CAVIN4: variants seen among roughly 807,000 people sequenced by gnomAD.
The protein encoded by CAVIN4 is caveolae associated protein 4, also known as caveolae-associated protein 4.
Under a neutral mutation model 18.6 loss-of-function variants are expected in CAVIN4, and 10 were observed. The observed-to-expected ratio is 0.54, with a 90% CI of 0.33 to 0.91. The LOEUF (loss-of-function observed/expected upper bound fraction) is 0.91. Among genes scored for constraint, CAVIN4 ranks in the 40% least tolerant of loss-of-function variants. The pLI, the probability that CAVIN4 is intolerant of heterozygous loss-of-function variation, is 0.02. For missense variants in CAVIN4, 459 were observed against 440.5 expected (o/e 1.04, Z -0.38); for synonymous variants, 173 against 164.8 (o/e 1.05, Z -0.38).
chr9:100,585,957 G>A lies in CAVIN4; in HGVS notation c.601G>A (p.Ala201Thr). The A allele has an allele frequency of 6.2e-7, 1 of 1,614,114 alleles. No homozygotes were observed. The highest frequency in any genetic ancestry group is 8.5e-7 in the Non-Finnish European group (1 of 1,180,034). ...GKEHIDNIKK[A>T]FSKENMQKTR... ...GGAGCACATTGATAATATCAAGAAG[G>A]CATTTTCCAAAGAAAACATGCAGAA... The change falls in exon 2 of 2, where the codon GCA becomes ACA. Residue 201 changes from alanine to threonine, a missense_variant. Ala to Thr is a moderately conservative substitution (Grantham distance 58). Transcript: ENST00000307584.
chr9:100,579,150 A>C (rs1318793598), intron 1 of CAVIN4, among the ~76,000 whole-genome samples: 3 of 152,320 alleles, frequency 2.0e-5, no homozygotes, highest in African/African-American at 7.2e-5. Context: ...TGAGTCACAT[A>C]AGTAGTTTCC....
intron 1 of CAVIN4, among the ~76,000 whole-genome samples, chr9:100,585,374 G>T (rs1427577985): frequency 1.3e-5 from 2 of 152,196 alleles, no homozygotes; most frequent in Admixed American, 1.3e-4. Context: ...TACAGGGAAA[G>T]AAGTAGAAAT....
intron 1 of CAVIN4, among the ~76,000 whole-genome samples, chr9:100,583,738 C>A (rs761010516): frequency 6.6e-6 from 1 of 151,678 alleles, no homozygotes; most frequent in African/African-American, 2.4e-5. Flanking sequence ...CCTCCGCCTC[C>A]CGGGTTCAAG....
chr9:100,583,111 T>C (rs1056441262), intron 1 of CAVIN4, among the ~76,000 whole-genome samples: 1 of 152,218 alleles, frequency 6.6e-6, no homozygotes, highest in Non-Finnish European at 1.5e-5. Flanking sequence ...CTCTTTCATC[T>C]GGTCTCATGA....
chr9:100,578,010 A>G (rs537155304), upstream of CAVIN4: 1 of 784,812 alleles, frequency 1.3e-6, no homozygotes, highest in South Asian at 1.6e-5. Flanking sequence ...TGTAGTTATA[A>G]ATACTTGACC....
In CAVIN4 at chr9:100,588,212, T is replaced by A. The variant is rs1839503954; in HGVS notation, c.*1761T>A. Among the ~76,000 whole-genome samples the A allele has an allele frequency of 6.6e-6, 1 of 152,254 alleles. No homozygotes were observed. Among genetic ancestry groups the A allele is most frequent in the Admixed American group, 6.5e-5 (1 of 15,292 alleles). On this transcript the variant is annotated 3_prime_UTR_variant, in exon 2 of 2. Coordinates refer to ENST00000307584, the MANE Select transcript of CAVIN4 (RefSeq NM_001018116.2). Reference sequence around the variant, plus strand: ...TTCCTCTTCACCTTGCATGAATACATGAAATCATAATATCGTTCATGTTGT... The same window carrying A: ...TTCCTCTTCACCTTGCATGAATACAAGAAATCATAATATCGTTCATGTTGT...
rs1193236824 is a variant in CAVIN4, at chr9:100,578,555, A to G, written c.408+4A>G. Reference sequence around the variant, plus strand: ...ATTCCGCGTGGTAATATTCCAGGTAAGCTTGCACTTGTGTTCAGCTTGCTT... The same window carrying G: ...ATTCCGCGTGGTAATATTCCAGGTAGGCTTGCACTTGTGTTCAGCTTGCTT... On this transcript the variant is annotated splice_donor_region_variant and intron_variant, in intron 1 of 1. Coordinates refer to ENST00000307584, the MANE Select transcript of CAVIN4 (RefSeq NM_001018116.2). 6.2e-7 allele frequency: 1 copy of G among 1,612,680 alleles called. No individual in the cohort carries two copies. Among genetic ancestry groups the G allele is most frequent in the Non-Finnish European group, 8.5e-7 (1 of 1,179,852 alleles).
In CAVIN4 at chr9:100,586,716, G is replaced by A. The variant is rs11791916; in HGVS notation, c.*265G>A. The A allele has an allele frequency of 0.029, 8,516 of 292,170 alleles. 160 individuals are homozygous for A. The highest frequency in any genetic ancestry group is 0.042 in the Middle Eastern group (39 of 918). 18.1% of individuals were successfully genotyped at this position (292,170 alleles called of 1,614,324 possible). A position where few individuals can be genotyped will look rare whatever the true frequency, so the allele number is the denominator to read the frequency against. On this transcript the variant is annotated 3_prime_UTR_variant, in exon 2 of 2. Coordinates refer to ENST00000307584, the MANE Select transcript of CAVIN4 (RefSeq NM_001018116.2). Reference sequence around the variant, plus strand: ...GTTTGGTAAGGGCAACTTTGCGGCCGTCATTTGCAGGAGAACTCTAAATAT... The same window carrying A: ...GTTTGGTAAGGGCAACTTTGCGGCCATCATTTGCAGGAGAACTCTAAATAT...
chr9:100,588,226 C>T lies in CAVIN4; in HGVS notation c.*1775C>T, dbSNP rs1332569856. On this transcript the variant is annotated 3_prime_UTR_variant, in exon 2 of 2. Transcript: ENST00000307584. ...GCATGAATACATGAAATCATAATAT[C>T]GTTCATGTTGTTACCTTTTTATATT... Among the ~76,000 whole-genome samples, 1 of 152,148 alleles carries T rather than the reference C, an allele frequency of 6.6e-6. No individual in the cohort carries two copies. The highest frequency in any genetic ancestry group is 6.5e-5 in the Admixed American group (1 of 15,272).
In CAVIN4 at chr9:100,578,241, T is replaced by C; in HGVS notation, c.98T>C (p.Ile33Thr). Residue 33 changes from isoleucine to threonine, a missense_variant, in exon 1 of 2, where the codon ATT becomes ACT. Coordinates refer to ENST00000307584, the MANE Select transcript of CAVIN4 (RefSeq NM_001018116.2). ...EDEDQDAALT[I>T]VTVLDKVASI... is the part of the protein sequence containing the mutation. ...GAAGACCAAGACGCTGCTCTTACCA[T>C]TGTGACTGTGCTGGACAAAGTAGCC... 6.2e-7 allele frequency: 1 copy of C among 1,613,990 alleles called. No individual in the cohort carries two copies. Among genetic ancestry groups the C allele is most frequent in the Non-Finnish European group, 8.5e-7 (1 of 1,179,926 alleles).
rs981564334 is a variant in CAVIN4 at position 100,587,206 on chromosome 9, A to G, written c.*755A>G. The stretch of plus-strand genomic sequence containing the variant: ...CTTCAGAAGCCTTTTCACAGAATCA[A>G]GAGTGAAAAATAAGTAAATGTTTGG... On this transcript the variant is annotated 3_prime_UTR_variant, in exon 2 of 2. Transcript: ENST00000307584. 1 of 152,226 alleles carries G rather than the reference A, an allele frequency of 6.6e-6. No individual in the cohort carries two copies. Among genetic ancestry groups the G allele is most frequent in the Non-Finnish European group, 1.5e-5 (1 of 68,040 alleles). The allele number at this position is 152,226 out of a possible 1,614,324, so 9.4% of individuals were successfully genotyped here.
At chr9:100,580,025 G>A (rs921407616) in intron 1 of CAVIN4, among the ~76,000 whole-genome samples, 1 of 151,104 alleles carries the variant, frequency 6.6e-6, no homozygotes, top group African/African-American at 2.4e-5. Context: ...GCTATTTGAA[G>A]TTCTTTATCA....
Position 100,586,112 on chromosome 9 carries a change from G to C in CAVIN4, c.756G>C (p.Gly252=), listed in dbSNP as rs768828025. 8.1e-6 allele frequency: 13 copies of C among 1,601,158 alleles called. No homozygotes were observed. The highest frequency in any genetic ancestry group is 1.0e-5 in the Non-Finnish European group (12 of 1,173,930). Residue 252 remains glycine, a synonymous_variant, in exon 2 of 2, where the codon GGG becomes GGC. Coordinates refer to ENST00000307584, the MANE Select transcript of CAVIN4 (RefSeq NM_001018116.2). ...RQSGERLRQS[G]ERFKKSISNA... ...CAGGGGAGAGGCTGAGACAGTCAGG[G>C]GAGAGGTTTAAGAAATCTATTTCTA... is the stretch of plus-strand genomic sequence containing the variant.
intron 1 of CAVIN4, among the ~76,000 whole-genome samples, chr9:100,579,080 C>T (rs1298900006): frequency 3.9e-5 from 6 of 152,212 alleles, no homozygotes; most frequent in African/African-American, 1.4e-4. Flanking sequence ...ACAATGATAG[C>T]GATTTTCCAA....
rs1226842743 is a variant in CAVIN4 at position 100,586,315 on chromosome 9, A to T, written c.959A>T (p.Glu320Val). 10 of 1,613,770 alleles carry T rather than the reference A, an allele frequency of 6.2e-6. No homozygotes were observed. The highest frequency in any genetic ancestry group is 6.8e-6 in the Non-Finnish European group (8 of 1,179,880). ...GATGAGCTCAGTGAACCAGAACACGAGGCAGCCAGGCCGGTGTATCCTCCC... is the reference window on the plus strand; with the variant it reads ...GATGAGCTCAGTGAACCAGAACACGTGGCAGCCAGGCCGGTGTATCCTCCC... ...YSDELSEPEH[E>V]AARPVYPPHE... The change falls in exon 2 of 2, where the codon GAG becomes GTG. Residue 320 changes from glutamate (E) to valine (V), a missense_variant. Transcript: ENST00000307584.
At chr9:100,580,119 A>G (rs1839412850) in intron 1 of CAVIN4, among the ~76,000 whole-genome samples, 1 of 150,334 alleles carries the variant, frequency 6.7e-6, no homozygotes. Flanking sequence ...GCAATGTGGC[A>G]AAACCCTGTC....
At position 100,586,497 on chromosome 9, in the gene CAVIN4, T is replaced by C. The variant is rs115947662; in HGVS notation, c.*46T>C. 1.3e-3 allele frequency: 1,949 copies of C among 1,520,366 alleles called. 21 individuals are homozygous for C. In the African/African-American group the frequency reaches 0.023, roughly 18 times the overall value. 94.2% of individuals were successfully genotyped at this position (1,520,366 alleles called of 1,614,324 possible). ...AAATATGAATCTCCTAATCATGCAG[T>C]TTTAGTTTGAATAGTGTAGTCGTCT... On this transcript the variant is annotated 3_prime_UTR_variant, in exon 2 of 2. Coordinates refer to ENST00000307584, the MANE Select transcript of CAVIN4 (RefSeq NM_001018116.2).
At chr9:100,583,917 T>G (rs1391299860) in intron 1 of CAVIN4, among the ~76,000 whole-genome samples, 1 of 152,220 alleles carries the variant, frequency 6.6e-6, no homozygotes, top group Non-Finnish European at 1.5e-5. Context: ...AGTGTTGGGA[T>G]TACAGGTGTG....
intron 1 of CAVIN4, among the ~76,000 whole-genome samples, chr9:100,583,401 T>C (rs1463148359): frequency 6.6e-6 from 1 of 152,180 alleles, no homozygotes; most frequent in African/African-American, 2.4e-5. Flanking sequence ...CATCCAAATC[T>C]AGTGGCAAAT....
Sources: gnomAD v4.1 joint callset for allele counts (sites outside exome capture counted in the v4.1 genomes callset) on GRCh38, gnomAD v4.1.1 for gene constraint, MANE v1.5 for transcripts, NCBI Gene and HGNC (gene_info 2026-07-23, HGNC 2026-07-21) for gene names.